The following SLIT3 variants were observed in gnomAD, a reference collection of about 807,000 sequenced individuals.
SLIT3 encodes slit guidance ligand 3.
Under a neutral mutation model 184.0 loss-of-function variants are expected in SLIT3, and 68 were observed. The ratio of observed to expected loss-of-function variants is 0.37; its 90% CI spans 0.30 to 0.45. The LOEUF (loss-of-function observed/expected upper bound fraction) is 0.45. Ranked by LOEUF, SLIT3 falls within the 20% of genes least tolerant of loss-of-function variation. The pLI is 1.00. For missense variants in SLIT3, 1,707 were observed against 2,026.0 expected (o/e 0.84, Z 3.02); for synonymous variants, 831 against 828.6 (o/e 1.00, Z -0.05).
At chr5:168,955,084 A>C in intron 4 of SLIT3, among the ~76,000 whole-genome samples, 1 of 97,416 alleles carries the variant, frequency 1.0e-5, no homozygotes, top group African/African-American at 4.1e-5. Context: ...GGCCTTCCTG[A>C]TGTTGGGGGG....
chr5:169,056,401 G>A lies in SLIT3; in HGVS notation c.413+137078C>T, dbSNP rs141231423. Among the ~76,000 whole-genome samples the A allele has an allele frequency of 5.6e-3, 853 of 152,094 alleles. 6 individuals are homozygous for A. The highest frequency in any genetic ancestry group is 0.018 in the African/African-American group (754 of 41,488). On this transcript the variant is annotated intron_variant, in intron 4 of 35. Coordinates refer to ENST00000519560, the MANE Select transcript of SLIT3 (RefSeq NM_003062.4). ...CAGTCCATTAAATATATATGTTTACGCATACTTACATGACCATCTGCTGCC... is the reference window on the plus strand; with the variant it reads ...CAGTCCATTAAATATATATGTTTACACATACTTACATGACCATCTGCTGCC...
Position 168,772,892 on chromosome 5 carries a change from C to A in SLIT3, c.1348G>T (p.Asp450Tyr). ...TCGATGGGGTTGTCCTGGAGGTAGT[C>A]GGCCAGCCACTTCAAGTGGCAGTCG... ...VCDCHLKWLA[D>Y]YLQDNPIETS... is the part of the protein sequence containing the mutation. Residue 450 changes from aspartate to tyrosine, a missense_variant, in exon 14 of 36, where the codon GAC (aspartate) becomes TAC (tyrosine). By Grantham distance (160) the Asp-to-Tyr change is radical. Coordinates refer to ENST00000519560, the MANE Select transcript of SLIT3 (RefSeq NM_003062.4). The A allele has an allele frequency of 6.2e-7, 1 of 1,613,210 alleles. No individual in the cohort carries two copies. Among genetic ancestry groups the A allele is most frequent in the East Asian group, 2.2e-5 (1 of 44,860 alleles).
At chr5:169,217,612 C>T (rs922539470) in intron 3 of SLIT3, among the ~76,000 whole-genome samples, 2 of 152,202 alleles carry the variant, frequency 1.3e-5, no homozygotes, top group African/African-American at 4.8e-5. Flanking sequence ...TCCTGGAAGT[C>T]AGGGGCATTT....
chr5:168,823,010 T>A (rs1277358482), intron 7 of SLIT3, among the ~76,000 whole-genome samples: 1 of 152,204 alleles, frequency 6.6e-6, no homozygotes, highest in Non-Finnish European at 1.5e-5. Flanking sequence ...CCCACAGTTC[T>A]AGGGTAAGAG....
At chr5:168,905,463 G>A (rs2096393416) in intron 4 of SLIT3, among the ~76,000 whole-genome samples, 1 of 152,186 alleles carries the variant, frequency 6.6e-6, no homozygotes, top group Non-Finnish European at 1.5e-5. Context: ...CAGTAGTGAA[G>A]TACGATCATG....
In SLIT3 at chr5:169,193,530, A is replaced by G; in HGVS notation, c.362T>C (p.Leu121Pro). ...GAAAAGCAATTCTGGAAGGACTTGC[A>G]GCTTATTCTTGTTCAGGCGCCTAAA... ...LERLRLNKNKLQVLPELLFQS... is the reference protein window; with the variant it reads ...LERLRLNKNKPQVLPELLFQS... The change falls in exon 4 of 36, where the codon CTG becomes CCG. Residue 121 changes from leucine (L) to proline (P), a missense_variant. This residue lies in a region of SLIT3 where 1,307 missense variants were observed against 1,511.6 expected (regional missense o/e 0.86). Transcript: ENST00000519560. 1 of 1,614,068 alleles carries G rather than the reference A, an allele frequency of 6.2e-7. No individual in the cohort carries two copies. Among genetic ancestry groups the G allele is most frequent in the Non-Finnish European group, 8.5e-7 (1 of 1,179,940 alleles).
At chr5:169,026,795 G>GA (rs35980522) in intron 4 of SLIT3, among the ~76,000 whole-genome samples, 104 of 147,286 alleles carry the variant, frequency 7.1e-4, no homozygotes, top group African/African-American at 8.9e-4. Context: ...ACTATCATCA[G>GA]AAAAAAAAAA....
chr5:168,853,079 ATC>A, intron 5 of SLIT3, among the ~76,000 whole-genome samples: 1 of 152,312 alleles, frequency 6.6e-6, no homozygotes, highest in Middle Eastern at 3.4e-3. Flanking sequence ...ATTTGAACCT[ATC>A]TCTTTGTCCC....
chr5:168,922,785 G>A (rs1238361897), intron 4 of SLIT3, among the ~76,000 whole-genome samples: 1 of 152,148 alleles, frequency 6.6e-6, no homozygotes, highest in African/African-American at 2.4e-5. Context: ...ACACAGGTAA[G>A]AGGTCTGGGC....
At chr5:169,143,979 G>T (rs1225616905) in intron 4 of SLIT3, among the ~76,000 whole-genome samples, 1 of 152,234 alleles carries the variant, frequency 6.6e-6, no homozygotes, top group African/African-American at 2.4e-5. Context: ...GCTGCCAACA[G>T]TAAGTAGTGT....
chr5:168,732,848 A>G (rs1763327917), intron 20 of SLIT3, among the ~76,000 whole-genome samples: 2 of 152,166 alleles, frequency 1.3e-5, no homozygotes, highest in Admixed American at 1.3e-4. Context: ...AATGTAAAAC[A>G]TGCAAATATA....
chr5:169,146,912 C>A (rs892778225), intron 4 of SLIT3, among the ~76,000 whole-genome samples: 8 of 152,206 alleles, frequency 5.3e-5, no homozygotes, highest in Non-Finnish European at 1.2e-4. Context: ...CTTCTATGTG[C>A]CTTAAGTTTC....
At chr5:168,829,746 C>A (rs1757819683) in intron 6 of SLIT3, among the ~76,000 whole-genome samples, 1 of 152,244 alleles carries the variant, frequency 6.6e-6, no homozygotes, top group Non-Finnish European at 1.5e-5. Context: ...GTACCAGACT[C>A]CTTTCCTGAA....
rs1766698782 is a variant in SLIT3, at chr5:169,273,535, G to A, written c.198-22076C>T. Among the ~76,000 whole-genome samples, 4 of 152,178 alleles carry A rather than the reference G, an allele frequency of 2.6e-5. No individual in the cohort carries two copies. The South Asian group carries it at 8.3e-4, about 32-fold the overall frequency. ...AGGGAGCTTTAACACTTGCTGCCCAGGCCACACTGCAGACCAACTAAACCA... is the reference window on the plus strand; with the variant it reads ...AGGGAGCTTTAACACTTGCTGCCCAAGCCACACTGCAGACCAACTAAACCA... On this transcript the variant is annotated intron_variant, in intron 1 of 35. Coordinates refer to ENST00000519560, the MANE Select transcript of SLIT3 (RefSeq NM_003062.4).
chr5:169,056,756 G>A lies in SLIT3; in HGVS notation c.413+136723C>T, dbSNP rs1004626442. Among the ~76,000 whole-genome samples, 4 of 152,202 alleles carry A rather than the reference G, an allele frequency of 2.6e-5. No homozygotes were observed. The South Asian group carries it at 8.3e-4, about 32-fold the overall frequency. On this transcript the variant is annotated intron_variant, in intron 4 of 35. Coordinates refer to ENST00000519560, the MANE Select transcript of SLIT3 (RefSeq NM_003062.4). ...ACTTTAAGAGACAAGGGAGCAGATT[G>A]GCGGAGCTGACGGTGCCCTGTGGCT...
chr5:168,666,452 G>T lies in SLIT3; in HGVS notation c.*2C>A. ...AGAGGTGGCAGGCAGGCGGGCAGGG[G>T]CTTAGGAACACGCGAGGCAGCCGCA... On this transcript the variant is annotated 3_prime_UTR_variant, in exon 36 of 36. Transcript: ENST00000519560. 1 of 1,559,684 alleles carries T rather than the reference G, an allele frequency of 6.4e-7. No individual in the cohort carries two copies. The highest frequency in any genetic ancestry group is 8.7e-7 in the Non-Finnish European group (1 of 1,149,672).
intron 29 of SLIT3, among the ~76,000 whole-genome samples, chr5:168,690,794 T>G (rs1020114584): frequency 1.5e-3 from 64 of 42,490 alleles, no homozygotes; most frequent in African/African-American, 4.8e-4. Context: ...TCATTTGGTC[T>G]CATTGAGCAA....
At chr5:168,766,764 C>T (rs1755359818) in intron 14 of SLIT3, among the ~76,000 whole-genome samples, 1 of 152,232 alleles carries the variant, frequency 6.6e-6, no homozygotes, top group Admixed American at 6.5e-5. Context: ...GGGAACTTCT[C>T]CAGGCTCGAG....
intron 1 of SLIT3, chr5:169,263,600 A>G (rs1181621521): frequency 2.1e-6 from 1 of 483,506 alleles, no homozygotes; most frequent in Non-Finnish European, 4.1e-6. Context: ...TTTGTGGTAC[A>G]TTGTTACAGC....
Sources: gnomAD v4.1 joint callset for allele counts (sites outside exome capture counted in the v4.1 genomes callset) on GRCh38, gnomAD v4.1.1 for gene constraint, gnomAD v4.1.1 regional missense constraint, MANE v1.5 for transcripts, NCBI Gene and HGNC (gene_info 2026-07-23, HGNC 2026-07-21) for gene names.